Variants in SORCS2 observed in about 807,000 individuals in gnomAD.
SORCS2 encodes VPS10 domain-containing receptor SorCS2.
A neutral mutation model predicts 141.6 loss-of-function variants in SORCS2; 100 were observed. The ratio of observed to expected loss-of-function variants is 0.71; its 90% CI spans 0.60 to 0.83. The LOEUF is 0.83. Among genes scored for constraint, SORCS2 ranks in the 40% least tolerant of loss-of-function variants. The pLI is 0.00. For missense variants in SORCS2, 1,646 were observed against 1,560.2 expected (o/e 1.05, Z -0.93); for synonymous variants, 789 against 676.9 (o/e 1.17, Z -2.57).
In SORCS2 at chr4:7,712,752, T is replaced by C. The variant is rs1168672286; in HGVS notation, c.1888T>C (p.Phe630Leu). 6.2e-7 allele frequency: 1 copy of C among 1,614,020 alleles called. No homozygotes were observed. Among genetic ancestry groups the C allele is most frequent in the Admixed American group, 1.7e-5 (1 of 60,030 alleles). The part of the protein sequence containing the change: ...LVMTVFGHIS[F>L]RSDWELVKVD... The stretch of plus-strand genomic sequence containing the variant: ...CCCCAGGGTCTTTGGCCACATCAGC[T>C]TCCGCTCCGATTGGGAGCTGGTCAA... Residue 630 changes from phenylalanine to leucine, a missense_variant, in exon 15 of 27, where the codon TTC becomes CTC. Physicochemically the swap from Phe to Leu is conservative, Grantham distance 22. Coordinates refer to ENST00000507866, the MANE Select transcript of SORCS2 (RefSeq NM_020777.3).
chr4:7,399,914 G>A (rs953575551), intron 2 of SORCS2, among the ~76,000 whole-genome samples: 1 of 152,100 alleles, frequency 6.6e-6, no homozygotes, highest in Non-Finnish European at 1.5e-5. Flanking sequence ...ACGGGCACTC[G>A]AATCTCCTGG....
intron 23 of SORCS2, among the ~76,000 whole-genome samples, chr4:7,732,552 C>T (rs1711788139): frequency 6.6e-6 from 1 of 152,168 alleles, no homozygotes; most frequent in Non-Finnish European, 1.5e-5. Context: ...ATCCCTCACC[C>T]TACAACCCAG....
intron 2 of SORCS2, chr4:7,433,671 G>T: frequency 6.2e-7 from 1 of 1,610,078 alleles, no homozygotes. Context: ...AGGACACCGT[G>T]AGCAGCCTCT....
At chr4:7,398,209 A>C (rs1485899961) in intron 2 of SORCS2, among the ~76,000 whole-genome samples, 1 of 152,186 alleles carries the variant, frequency 6.6e-6, no homozygotes, top group Non-Finnish European at 1.5e-5. Flanking sequence ...CATGGGGCCC[A>C]AAACCACTTA....
intron 2 of SORCS2, among the ~76,000 whole-genome samples, chr4:7,425,759 C>T (rs1333943415): frequency 6.6e-6 from 1 of 152,234 alleles, no homozygotes; most frequent in Non-Finnish European, 1.5e-5. Context: ...ATTGCGAGTT[C>T]TCACATGACC....
chr4:7,403,984 TATATATATATATA>T (rs1191541627), intron 2 of SORCS2, among the ~76,000 whole-genome samples: 462 of 17,092 alleles, frequency 0.027, 14 homozygotes, highest in East Asian at 0.076. Flanking sequence ...TATATATATA[TATATATATATATA>T]TTTTTTTTTT....
chr4:7,211,780 G>A (rs1049474227), intron 1 of SORCS2, among the ~76,000 whole-genome samples: 15 of 152,148 alleles, frequency 9.9e-5, no homozygotes, highest in African/African-American at 3.6e-4. Context: ...TGAGAGGAGG[G>A]GTTGGGGGCT....
intron 17 of SORCS2, among the ~76,000 whole-genome samples, chr4:7,716,012 A>G (rs776894768): frequency 6.6e-6 from 1 of 152,226 alleles, no homozygotes; most frequent in Non-Finnish European, 1.5e-5. Context: ...AGGCATCACC[A>G]AGTGCAAGCA....
intron 3 of SORCS2, among the ~76,000 whole-genome samples, chr4:7,556,006 A>C (rs545585675): frequency 9.8e-5 from 15 of 152,364 alleles, no homozygotes; most frequent in African/African-American, 3.6e-4. Context: ...CCGATATTCA[A>C]CACTCAACTC....
intron 1 of SORCS2, among the ~76,000 whole-genome samples, chr4:7,303,188 G>A (rs58658055): frequency 0.012 from 1,762 of 152,284 alleles, 45 homozygotes; most frequent in African/African-American, 0.04. Context: ...GGGGTCAGCC[G>A]AGAGACAGCC....
At chr4:7,563,033 G>T (rs892390978) in intron 3 of SORCS2, among the ~76,000 whole-genome samples, 1 of 152,170 alleles carries the variant, frequency 6.6e-6, no homozygotes, top group Non-Finnish European at 1.5e-5. Flanking sequence ...AACCCAATAT[G>T]CCATGCTTTA....
intron 4 of SORCS2, among the ~76,000 whole-genome samples, chr4:7,643,886 G>C (rs565645741): frequency 6.6e-6 from 1 of 152,130 alleles, no homozygotes; most frequent in African/African-American, 2.4e-5. Flanking sequence ...TTGATGGCTC[G>C]CTCTGACCTC....
intron 4 of SORCS2, among the ~76,000 whole-genome samples, chr4:7,649,634 A>G (rs1442418669): frequency 6.6e-6 from 1 of 151,988 alleles, no homozygotes. Flanking sequence ...CCAGGGAGGA[A>G]AAGGCCCTGG....
chr4:7,489,395 G>A (rs936721572), intron 2 of SORCS2, among the ~76,000 whole-genome samples: 4 of 152,060 alleles, frequency 2.6e-5, no homozygotes, highest in Admixed American at 6.6e-5. Context: ...GTTGCTTTTC[G>A]AGTTCCTTGG....
At chr4:7,332,476 C>T (rs1719712656) in intron 1 of SORCS2, among the ~76,000 whole-genome samples, 1 of 152,240 alleles carries the variant, frequency 6.6e-6, no homozygotes, top group Non-Finnish European at 1.5e-5. Flanking sequence ...AGGAGTCACA[C>T]TGAGCCTGGA....
At position 7,590,056 on chromosome 4, in the gene SORCS2, T is replaced by A. The variant is rs554308972; in HGVS notation, c.649-48272T>A. Among the ~76,000 whole-genome samples the A allele has an allele frequency of 3.2e-3, 482 of 152,216 alleles. 3 individuals are homozygous for A. The highest frequency in any genetic ancestry group is 0.011 in the African/African-American group (467 of 41,552). On this transcript the variant is annotated intron_variant, in intron 3 of 26. Coordinates refer to ENST00000507866, the MANE Select transcript of SORCS2 (RefSeq NM_020777.3). ...AAAGACAGCCGAGAAGGGGAATGGC[T>A]ATTTATTGCTGTTGCAAAGGTCTGT...
At chr4:7,527,956 G>A (rs969714949) in intron 2 of SORCS2, among the ~76,000 whole-genome samples, 1 of 152,100 alleles carries the variant, frequency 6.6e-6, no homozygotes, top group African/African-American at 2.4e-5. Context: ...GCGTCTCCCA[G>A]GACTCTCTGG....
intron 1 of SORCS2, among the ~76,000 whole-genome samples, chr4:7,381,152 T>G (rs2109069203): frequency 6.6e-6 from 1 of 151,954 alleles, no homozygotes; most frequent in South Asian, 2.1e-4. Flanking sequence ...TGGTGGGTGA[T>G]TCTGGTGCAG....
At chr4:7,263,613 C>G (rs1430763902) in intron 1 of SORCS2, among the ~76,000 whole-genome samples, 1 of 152,244 alleles carries the variant, frequency 6.6e-6, no homozygotes, top group Non-Finnish European at 1.5e-5. Flanking sequence ...TGTTCAGCAG[C>G]TGGCTTCAGC....
Sources: allele counts gnomAD v4.1 joint callset (sites outside exome capture counted in the v4.1 genomes callset), GRCh38; gene constraint gnomAD v4.1.1; transcripts MANE v1.5; gene names NCBI Gene and HGNC (gene_info 2026-07-23, HGNC 2026-07-21).